B4GALT6: variants seen among roughly 807,000 people sequenced by gnomAD.
B4GALT6 encodes UDP-Gal:beta-GlcNAc beta-1,4-galactosyltransferase 6.
Under a neutral mutation model 46.3 loss-of-function variants are expected in B4GALT6, and 14 were observed. The observed-to-expected ratio is 0.30, with a 90% CI of 0.20 to 0.47. The LOEUF is 0.47. Ranked by LOEUF, B4GALT6 falls within the 20% of genes least tolerant of loss-of-function variation. The pLI, the probability that B4GALT6 is intolerant of heterozygous loss-of-function variation, is 0.99. For missense variants in B4GALT6, 386 were observed against 480.1 expected (o/e 0.80, Z 1.83); for synonymous variants, 168 against 162.0 (o/e 1.04, Z -0.28).
rs1230037848 is a variant in B4GALT6 at position 31,626,308 on chromosome 18, T to C, written c.976A>G (p.Arg326Gly). The change falls in exon 8 of 9, where the codon AGA becomes GGA. Residue 326 changes from arginine to glycine, a missense_variant. By Grantham distance (125) the Arg-to-Gly change is moderately radical. Coordinates refer to ENST00000306851, the MANE Select transcript of B4GALT6 (RefSeq NM_004775.5). ...CGTCCTAAAAACTGGACTTCACCTCTATGGTGATGAGGAATTGACTTGTAT... is the reference window on the plus strand; with the variant it reads ...CGTCCTAAAAACTGGACTTCACCTCCATGGTGATGAGGAATTGACTTGTAT... Reference protein sequence around the residue: ...GKYKSIPHHHRGEVQFLGRYK... With the variant: ...GKYKSIPHHHGGEVQFLGRYK... 1 of 1,605,402 alleles carries C rather than the reference T, an allele frequency of 6.2e-7. No individual in the cohort carries two copies. Among genetic ancestry groups the C allele is most frequent in the South Asian group, 1.1e-5 (1 of 89,888 alleles).
At chr18:31,699,537 G>T in the B4GALT6 span, among the ~76,000 whole-genome samples, 2 of 150,168 alleles carry the variant, frequency 1.3e-5, no homozygotes, top group Admixed American at 6.7e-5. Context: ...GCCTCCCAAA[G>T]TGCTGGGATT....
chr18:31,703,303 G>C, the B4GALT6 span, among the ~76,000 whole-genome samples: 1 of 152,152 alleles, frequency 6.6e-6, no homozygotes. Context: ...CAGAAAATGT[G>C]GGGTAGCTGG....
chr18:31,630,828 G>A (rs1008535975), intron 6 of B4GALT6, 131 bp downstream of exon 6: 23 of 973,752 alleles, frequency 2.4e-5, no homozygotes, highest in East Asian at 5.2e-5. Flanking sequence ...AGGAGGACAC[G>A]ATGGAGTTAA....
At chr18:31,628,533 A>G (rs138684065) in intron 6 of B4GALT6, among the ~76,000 whole-genome samples, 76 of 152,354 alleles carry the variant, frequency 5.0e-4, no homozygotes, top group African/African-American at 1.7e-3. Flanking sequence ...TGAAGGTATA[A>G]CAGATAAACT....
chr18:31,626,870 C>A, intron 7 of B4GALT6, 129 bp downstream of exon 7: 1 of 695,038 alleles, frequency 1.4e-6, no homozygotes, highest in East Asian at 3.4e-5. Context: ...AAATATAAAA[C>A]AGGGTTTAGA....
chr18:31,624,432 T>C lies in B4GALT6; in HGVS notation c.*1182A>G, dbSNP rs2144456625. The C allele has an allele frequency of 6.6e-6, 1 of 152,078 alleles. No individual in the cohort carries two copies. 9.4% of individuals were successfully genotyped at this position (152,078 alleles called of 1,614,324 possible). ...TCTTAAAAGTGAAAAAAACAAAATA[T>C]AGTTTGAATGAAACTAACATTCAAG... On this transcript the variant is annotated 3_prime_UTR_variant, in exon 9 of 9. Coordinates refer to ENST00000306851, the MANE Select transcript of B4GALT6 (RefSeq NM_004775.5).
the B4GALT6 span, among the ~76,000 whole-genome samples, chr18:31,713,754 A>T: frequency 1.3e-5 from 2 of 152,200 alleles, no homozygotes; most frequent in Non-Finnish European, 2.9e-5. Flanking sequence ...GGATTCCCCA[A>T]ACCAAATGCC....
At position 31,625,402 on chromosome 18, in the gene B4GALT6, G is replaced by T; in HGVS notation, c.*212C>A. 1 of 448,934 alleles carries T rather than the reference G, an allele frequency of 2.2e-6. No homozygotes were observed. Among genetic ancestry groups the T allele is most frequent in the Non-Finnish European group, 3.8e-6 (1 of 260,930 alleles). The allele number at this position is 448,934 out of a possible 1,614,324, so 27.8% of individuals were successfully genotyped here. ...TCTTAAGTAGTGGCTTCCCGTTTCT[G>T]CGGTGCTCGCCACAGGGGTGTGTCT... On this transcript the variant is annotated 3_prime_UTR_variant, in exon 9 of 9. Transcript: ENST00000306851.
At chr18:31,716,648 A>T in the B4GALT6 span, among the ~76,000 whole-genome samples, 2 of 152,168 alleles carry the variant, frequency 1.3e-5, no homozygotes, top group Non-Finnish European at 2.9e-5. Context: ...CCCCACTTGA[A>T]TGCCTGGGGG....
chr18:31,703,766 C>T, the B4GALT6 span, among the ~76,000 whole-genome samples: 1 of 152,206 alleles, frequency 6.6e-6, no homozygotes, highest in Non-Finnish European at 1.5e-5. Context: ...CAAACAAATG[C>T]ATTCAAGGAC....
Position 31,631,028 on chromosome 18 carries a change from T to A in B4GALT6, c.707A>T (p.Asp236Val), listed in dbSNP as rs181651811. The change falls in exon 6 of 9, where the codon GAC becomes GTC. Residue 236 changes from aspartate to valine, a missense_variant. This residue lies in a region of B4GALT6 where 323 missense variants were observed against 438.9 expected (regional missense o/e 0.74). Coordinates refer to ENST00000306851, the MANE Select transcript of B4GALT6 (RefSeq NM_004775.5). ...TTCTCCACATCCGTAATAGTTCCGG[T>A]CATTTTCAGGTAGATGATCCACATC... ...FHDVDHLPEN[D>V]RNYYGCGEMP... The A allele has an allele frequency of 6.2e-7, 1 of 1,614,176 alleles. No individual in the cohort carries two copies. The highest frequency in any genetic ancestry group is 8.5e-7 in the Non-Finnish European group (1 of 1,180,034).
At position 31,629,646 on chromosome 18, in the gene B4GALT6, A is replaced by G. The variant is rs555763340; in HGVS notation, c.776+1313T>C. Among the ~76,000 whole-genome samples, 80 of 150,652 alleles carry G rather than the reference A, an allele frequency of 5.3e-4. No homozygotes were observed. In the East Asian group the frequency reaches 0.01, roughly 19 times the overall value. The stretch of plus-strand genomic sequence containing the variant: ...GGGTGGATCACAAGGTCAGGAGATC[A>G]AGACTATCTTGGCTAACACAGTGAA... On this transcript the variant is annotated intron_variant, in intron 6 of 8. Coordinates refer to ENST00000306851, the MANE Select transcript of B4GALT6 (RefSeq NM_004775.5).
At chr18:31,629,775 G>A (rs1379578920) in intron 6 of B4GALT6, among the ~76,000 whole-genome samples, 3 of 149,292 alleles carry the variant, frequency 2.0e-5, no homozygotes, top group Non-Finnish European at 4.5e-5. Context: ...GCGTGAACCC[G>A]GGAGGCAGAG....
chr18:31,666,093 T>TA (rs924432453), intron 2 of B4GALT6, among the ~76,000 whole-genome samples, 163 bp downstream of exon 2: 1 of 152,224 alleles, frequency 6.6e-6, no homozygotes, highest in African/African-American at 2.4e-5. Flanking sequence ...CATCCTAAAA[T>TA]AGGTAACAGT....
chr18:31,650,360 T>C (rs748874021), intron 3 of B4GALT6, among the ~76,000 whole-genome samples: 1 of 152,224 alleles, frequency 6.6e-6, no homozygotes, highest in African/African-American at 2.4e-5. Flanking sequence ...CTACCCACCA[T>C]TGGGTCCTGC....
At chr18:31,684,625 C>G (rs2074521858), upstream of B4GALT6, 8 of 911,278 alleles carry the variant, frequency 8.8e-6, no homozygotes, top group South Asian at 1.3e-4. Flanking sequence ...GCCAGAGAGT[C>G]GGGGGAGGGG....
chr18:31,655,141 C>T (rs1294903231), intron 3 of B4GALT6, among the ~76,000 whole-genome samples: 4 of 152,200 alleles, frequency 2.6e-5, no homozygotes, highest in African/African-American at 2.4e-5. Context: ...CTCCACTTTG[C>T]GGAGGTCACA....
the B4GALT6 span, among the ~76,000 whole-genome samples, chr18:31,705,390 T>C: frequency 6.6e-6 from 1 of 152,180 alleles, no homozygotes; most frequent in Non-Finnish European, 1.5e-5. Flanking sequence ...CTTTCATTTA[T>C]TTATTTATTC....
chr18:31,663,838 T>G (rs2074248973), intron 2 of B4GALT6, among the ~76,000 whole-genome samples: 1 of 152,226 alleles, frequency 6.6e-6, no homozygotes, highest in African/African-American at 2.4e-5. Context: ...ATATTGTGTC[T>G]CCAATATCTG....
Sources: gnomAD v4.1 joint callset for allele counts (sites outside exome capture counted in the v4.1 genomes callset) on GRCh38, gnomAD v4.1.1 for gene constraint, gnomAD v4.1.1 regional missense constraint, MANE v1.5 for transcripts, NCBI Gene and HGNC (gene_info 2026-07-23, HGNC 2026-07-21) for gene names.